Variants in KCNMB2 observed in about 807,000 individuals in gnomAD.
The protein encoded by KCNMB2 is calcium-activated potassium channel subunit beta-2.
Under a neutral mutation model 24.5 loss-of-function variants are expected in KCNMB2, and 9 were observed. The ratio of observed to expected loss-of-function variants is 0.37; its 90% CI spans 0.22 to 0.64. KCNMB2 has a LOEUF of 0.64. Ranked by LOEUF, KCNMB2 falls within the 30% of genes least tolerant of loss-of-function variation. The pLI is 0.63. For missense variants in KCNMB2, 226 were observed against 284.3 expected, an observed-to-expected ratio of 0.79 and a Z score of 1.47; for synonymous variants, 109 against 104.4, an observed-to-expected ratio of 1.04 and a Z score of -0.27.
intron 1 of KCNMB2, among the ~76,000 whole-genome samples, chr3:178,759,393 CTCCAAGAGGATATATATATATATATATA>C (rs1711586626): frequency 2.4e-5 from 1 of 42,102 alleles, no homozygotes; most frequent in Non-Finnish European, 3.8e-5. Context: ...ATATATATCT[CTCCAAGAGGATATATATATATATATATA>C]TCTCTCCAAG....
chr3:178,604,623 C>T (rs1311201193), intron 1 of KCNMB2, among the ~76,000 whole-genome samples: 1 of 152,096 alleles, frequency 6.6e-6, no homozygotes, highest in Non-Finnish European at 1.5e-5. Context: ...TTTGGAATTA[C>T]AAGATTTGGT....
rs558720731 is a variant in KCNMB2, at chr3:178,672,646, A to T, written c.-67-134697A>T. Among the ~76,000 whole-genome samples the T allele has an allele frequency of 2.6e-4, 40 of 152,348 alleles. No homozygotes were observed. The South Asian group carries it at 6.6e-3, about 25-fold the overall frequency. ...ATGCTAACACTGACTTCGTGACTTCATACACCCACAGAGAAATGTGCCCAT... is the reference window on the plus strand; with the variant it reads ...ATGCTAACACTGACTTCGTGACTTCTTACACCCACAGAGAAATGTGCCCAT... On this transcript the variant is annotated intron_variant, in intron 1 of 4. Coordinates refer to ENST00000452583, the MANE Select transcript of KCNMB2 (RefSeq NM_181361.3).
chr3:178,836,662 C>T (rs1480524504), intron 4 of KCNMB2, among the ~76,000 whole-genome samples: 4 of 151,938 alleles, frequency 2.6e-5, no homozygotes, highest in Non-Finnish European at 5.9e-5. Flanking sequence ...GAAAGAATGA[C>T]CTATAGCCAT....
intron 1 of KCNMB2, among the ~76,000 whole-genome samples, chr3:178,578,808 T>G (rs1717090676): frequency 6.6e-6 from 1 of 152,140 alleles, no homozygotes; most frequent in South Asian, 2.1e-4. Flanking sequence ...GAGATCAATG[T>G]AATGAGAAGA....
chr3:178,794,492 G>T (rs1713455962), intron 1 of KCNMB2, among the ~76,000 whole-genome samples: 1 of 152,200 alleles, frequency 6.6e-6, no homozygotes, highest in Non-Finnish European at 1.5e-5. Flanking sequence ...GCCTGCAGGA[G>T]TTGCTGCTGG....
intron 1 of KCNMB2, among the ~76,000 whole-genome samples, chr3:178,598,029 A>G (rs1423094112): frequency 6.6e-6 from 1 of 151,442 alleles, no homozygotes; most frequent in East Asian, 1.9e-4. Context: ...GAATTCAGGA[A>G]AATGCAGGAC....
At chr3:178,639,224 T>C (rs1163792914) in intron 1 of KCNMB2, among the ~76,000 whole-genome samples, 1 of 152,214 alleles carries the variant, frequency 6.6e-6, no homozygotes, top group Non-Finnish European at 1.5e-5. Context: ...ACATTAATTA[T>C]CTCATTTAAG....
chr3:178,670,364 G>T (rs529003475), intron 1 of KCNMB2, among the ~76,000 whole-genome samples: 1 of 151,960 alleles, frequency 6.6e-6, no homozygotes, highest in Non-Finnish European at 1.5e-5. Context: ...CTGCAAAGGG[G>T]TGGGGATTAT....
intron 1 of KCNMB2, among the ~76,000 whole-genome samples, chr3:178,654,827 A>T (rs542467096): frequency 3.2e-4 from 49 of 152,310 alleles, no homozygotes; most frequent in African/African-American, 1.2e-3. Context: ...TACTTGTTTA[A>T]GGGAGTAAGC....
chr3:178,759,982 C>A (rs1174755012), intron 1 of KCNMB2, among the ~76,000 whole-genome samples: 7 of 6,386 alleles, frequency 1.1e-3, no homozygotes, highest in South Asian at 3.2e-3. Context: ...ATATATATAT[C>A]CAAGAGGATA....
chr3:178,688,788 A>T (rs1721561621), intron 1 of KCNMB2, among the ~76,000 whole-genome samples: 1 of 152,192 alleles, frequency 6.6e-6, no homozygotes, highest in African/African-American at 2.4e-5. Context: ...TGGAAGGGCC[A>T]AAAGAAAGTT....
At chr3:178,816,235 T>G (rs1714400564) in intron 2 of KCNMB2, among the ~76,000 whole-genome samples, 1 of 151,908 alleles carries the variant, frequency 6.6e-6, no homozygotes, top group Admixed American at 6.5e-5. Flanking sequence ...TTGGAAAAGT[T>G]TGCTGTATAT....
At chr3:178,829,326 T>C (rs1714968371) in intron 4 of KCNMB2, among the ~76,000 whole-genome samples, 1 of 152,268 alleles carries the variant, frequency 6.6e-6, no homozygotes, top group South Asian at 2.1e-4. Context: ...ACTTAAATGA[T>C]ATAACTTATA....
intron 1 of KCNMB2, among the ~76,000 whole-genome samples, chr3:178,763,174 T>C (rs1711977737): frequency 6.6e-6 from 1 of 152,158 alleles, no homozygotes; most frequent in African/African-American, 2.4e-5. Flanking sequence ...ATGAATTAAT[T>C]GTTTCAAAGA....
At chr3:178,673,071 C>T (rs1371577179) in intron 1 of KCNMB2, among the ~76,000 whole-genome samples, 1 of 152,164 alleles carries the variant, frequency 6.6e-6, no homozygotes, top group Non-Finnish European at 1.5e-5. Context: ...TTCCTTCTCT[C>T]TTACCCAGCT....
intron 3 of KCNMB2, among the ~76,000 whole-genome samples, chr3:178,826,385 G>A (rs922016466): frequency 1.3e-5 from 2 of 152,194 alleles, no homozygotes; most frequent in Non-Finnish European, 1.5e-5. Flanking sequence ...GGCCTTCTAG[G>A]CTGAGAAACA....
At chr3:178,557,516 T>C (rs1716166355) in intron 1 of KCNMB2, among the ~76,000 whole-genome samples, 1 of 152,198 alleles carries the variant, frequency 6.6e-6, no homozygotes, top group Admixed American at 6.5e-5. Context: ...GAATAACTAT[T>C]AAGATTTCCA....
At chr3:178,599,381 T>C (rs1048740428) in intron 1 of KCNMB2, among the ~76,000 whole-genome samples, 6 of 152,176 alleles carry the variant, frequency 3.9e-5, no homozygotes, top group Non-Finnish European at 7.3e-5. Flanking sequence ...AACTGATGAA[T>C]AGCTTGGAAT....
chr3:178,751,126 A>G (rs919227696), intron 1 of KCNMB2, among the ~76,000 whole-genome samples: 2 of 152,116 alleles, frequency 1.3e-5, no homozygotes, highest in Non-Finnish European at 2.9e-5. Context: ...TTCCCCATTT[A>G]TTGAGTCAAC....
Sources: allele counts gnomAD v4.1 joint callset (sites outside exome capture counted in the v4.1 genomes callset), GRCh38; gene constraint gnomAD v4.1.1; transcripts MANE v1.5; gene names NCBI Gene and HGNC (gene_info 2026-07-23, HGNC 2026-07-21).